BRD4: variants seen among roughly 807,000 people sequenced by gnomAD.
BRD4 encodes bromodomain containing 4.
BRD4 carries 16 observed loss-of-function variants against 142.1 expected under a neutral mutation model. The ratio of observed to expected loss-of-function variants is 0.11; its 90% CI spans 0.08 to 0.17. BRD4 has a LOEUF of 0.17. BRD4 is among the 10% of genes least tolerant of loss of function. The probability of loss-of-function intolerance (pLI) is 1.00; values close to 1 mark genes in which losing one functional copy is unlikely to be tolerated. For missense variants in BRD4, 1,424 were observed against 1,810.9 expected (o/e 0.79, Z 3.88); for synonymous variants, 833 against 707.5 (o/e 1.18, Z -2.82).
chr19:15,264,390 C>A lies in BRD4; in HGVS notation c.1212+14G>T, dbSNP rs768134667. ...TGCCCACCTTGTCCCTTCCCTCAGGCACATCCCGCTAACCTTGATTGTGCT... is the reference window on the plus strand; with the variant it reads ...TGCCCACCTTGTCCCTTCCCTCAGGAACATCCCGCTAACCTTGATTGTGCT... On this transcript the variant is annotated intron_variant, in intron 6 of 19. Coordinates refer to ENST00000679869, the MANE Select transcript of BRD4 (RefSeq NM_001379291.1). The A allele has an allele frequency of 6.3e-7, 1 of 1,580,844 alleles. No individual in the cohort carries two copies. The highest frequency in any genetic ancestry group is 1.7e-5 in the Admixed American group (1 of 58,584).
At chr19:15,296,948 A>G (rs1411963990) in intron 1 of BRD4, among the ~76,000 whole-genome samples, 4 of 152,086 alleles carry the variant, frequency 2.6e-5, no homozygotes, top group African/African-American at 7.2e-5. Context: ...CAGCCACCAC[A>G]TGAAACAAAC....
chr19:15,296,843 G>A (rs2047826918), intron 1 of BRD4, among the ~76,000 whole-genome samples: 1 of 152,176 alleles, frequency 6.6e-6, no homozygotes, highest in Non-Finnish European at 1.5e-5. Context: ...CTAATCTGAA[G>A]AGCAACTGTT....
Position 15,239,926 on chromosome 19 carries a change from A to C in BRD4, c.3266T>G (p.Val1089Gly). Reference protein sequence around the residue: ...LTHQSPPQQNVQPKKQELRAA... With the variant: ...LTHQSPPQQNGQPKKQELRAA... The stretch of plus-strand genomic sequence containing the variant: ...GCCAGTTACCTGTTTCTTAGGCTGG[A>C]CGTTTTGCTGGGGTGGAGACTGGTG... Residue 1089 changes from valine (V) to glycine (G), a missense_variant, in exon 15 of 20, where the codon GTC becomes GGC. Physicochemically the swap from Val to Gly is moderately radical, Grantham distance 109. Around this residue, in one of 16 missense-constraint regions of BRD4, gnomAD observed 598 missense variants for 647.8 expected, o/e 0.92. Transcript: ENST00000679869. This position sits in a 1 kb window ranked among gnomAD's most constrained non-coding sequence, Gnocchi z 7.4. 1 of 1,613,774 alleles carries C rather than the reference A, an allele frequency of 6.2e-7. No homozygotes were observed. Among genetic ancestry groups the C allele is most frequent in the Non-Finnish European group, 8.5e-7 (1 of 1,179,958 alleles).
chr19:15,263,897 C>T (rs1445036642), intron 6 of BRD4, among the ~76,000 whole-genome samples: 1 of 152,214 alleles, frequency 6.6e-6, no homozygotes. Context: ...CAGCACTGTT[C>T]CCTGCTCTGC....
chr19:15,254,534 G>A lies in BRD4; in HGVS notation c.2048-272C>T, dbSNP rs1004123299. 5.3e-5 allele frequency among the ~76,000 whole-genome samples: 8 copies of A among 152,222 alleles called. No homozygotes were observed. In the South Asian group the frequency reaches 6.2e-4, roughly 12 times the overall value. ...GGTTTATCAAGGATTCAAGAGACCAGGCAGAAGGATAATTTCCTAACACAA... is the reference window on the plus strand; with the variant it reads ...GGTTTATCAAGGATTCAAGAGACCAAGCAGAAGGATAATTTCCTAACACAA... On this transcript the variant is annotated intron_variant, in intron 10 of 19. Transcript: ENST00000679869.
rs2047525371 is a variant in BRD4 at position 15,265,590 on chromosome 19, G to T, written c.613C>A (p.Pro205Thr). The T allele has an allele frequency of 1.2e-6, 2 of 1,614,142 alleles. No homozygotes were observed. The highest frequency in any genetic ancestry group is 1.7e-6 in the Non-Finnish European group (2 of 1,180,030). The change falls in exon 5 of 20, where the codon CCT becomes ACT. Residue 205 changes from proline to threonine, a missense_variant. Transcript: ENST00000679869. ...TVPNTTQAST[P>T]PQTQTPQPNP... is the part of the protein sequence containing the mutation. ...GGCTGAGGGGTCTGGGTCTGCGGAG[G>T]AGTCGATGCTTGAGTTGTGTTTGGT...
In BRD4 at chr19:15,251,148, C is replaced by T. The variant is rs1004521618; in HGVS notation, c.2158+3004G>A. Among the ~76,000 whole-genome samples the T allele has an allele frequency of 1.2e-4, 19 of 152,192 alleles. No individual in the cohort carries two copies. The East Asian group carries it at 3.5e-3, about 28-fold the overall frequency. ...TGGGACACAGCTGGGAAAGCAGCACCCACCCCCGCCATCCTCCTCCTGCCT... is the reference window on the plus strand; with the variant it reads ...TGGGACACAGCTGGGAAAGCAGCACTCACCCCCGCCATCCTCCTCCTGCCT... On this transcript the variant is annotated intron_variant, in intron 11 of 19. Coordinates refer to ENST00000679869, the MANE Select transcript of BRD4 (RefSeq NM_001379291.1).
intron 13 of BRD4, 32 bp from the exon 14 acceptor site, chr19:15,243,519 C>A: frequency 6.6e-7 from 1 of 1,518,372 alleles, no homozygotes; most frequent in Non-Finnish European, 8.8e-7. Context: ...GCGGTGAGGC[C>A]TGAGCACCTG....
chr19:15,243,147 C>T lies in BRD4; in HGVS notation c.2922G>A (p.Pro974=), dbSNP rs777234614. The T allele has an allele frequency of 1.5e-3, 753 of 515,112 alleles. No individual in the cohort carries two copies. The highest frequency in any genetic ancestry group is 2.0e-3 in the Non-Finnish European group (682 of 334,158). The allele number at this position is 515,112 out of a possible 1,614,324, so 31.9% of individuals were successfully genotyped here. ...PSVQQQLQQQ[P]PPPPPPQPQP... ...GGGGCTGGGGTGGTGGGGGTGGTGG[C>T]GGCTGCTGCTGCAGCTGCTGCTGCA... is the stretch of plus-strand genomic sequence containing the variant. Residue 974 remains proline, a synonymous_variant, in exon 14 of 20, where the codon CCG becomes CCA. Coordinates refer to ENST00000679869, the MANE Select transcript of BRD4 (RefSeq NM_001379291.1).
rs2145497604 is a variant in BRD4, at chr19:15,238,695, C to T, written c.4020+48G>A. The T allele has an allele frequency of 6.8e-7, 1 of 1,465,006 alleles. No homozygotes were observed. The highest frequency in any genetic ancestry group is 9.0e-7 in the Non-Finnish European group (1 of 1,107,470). The allele number at this position is 1,465,006 out of a possible 1,614,324, so 90.8% of individuals were successfully genotyped here. A position where few individuals can be genotyped will look rare whatever the true frequency, so the allele number is the denominator to read the frequency against. On this transcript the variant is annotated intron_variant, in intron 19 of 19. Transcript: ENST00000679869. The surrounding 1 kb of genome is among the most constrained non-coding windows in gnomAD (Gnocchi z 7.2). ...TCCAGTCCCCCTTTCCCAGCTCCCT[C>T]AGGAGCTAATCCTTAGACCAGGGTC...
chr19:15,240,718 T>C lies in BRD4; in HGVS notation c.3170-696A>G, dbSNP rs556378282. Among the ~76,000 whole-genome samples the C allele has an allele frequency of 3.3e-5, 5 of 152,252 alleles. No homozygotes were observed. The South Asian group carries it at 8.3e-4, about 25-fold the overall frequency. On this transcript the variant is annotated intron_variant, in intron 14 of 19. Transcript: ENST00000679869. ...GCCACAGGGACTACTGGGCCCTCAATCACAGTGAGCCAGCACCTCGGGACT... is the reference window on the plus strand; with the variant it reads ...GCCACAGGGACTACTGGGCCCTCAACCACAGTGAGCCAGCACCTCGGGACT...
At chr19:15,242,441 G>A (rs1185364109) in intron 14 of BRD4, among the ~76,000 whole-genome samples, 4 of 152,194 alleles carry the variant, frequency 2.6e-5, no homozygotes, top group African/African-American at 9.7e-5. Flanking sequence ...TCCTGGGCGG[G>A]CTCTGAGCTG....
At chr19:15,331,216 A>ACATG (rs1243267574) in intron 1 of BRD4, among the ~76,000 whole-genome samples, 2 of 152,332 alleles carry the variant, frequency 1.3e-5, no homozygotes, top group African/African-American at 4.8e-5. Flanking sequence ...CAGGAGAAGC[A>ACATG]CATGACTCAT....
At chr19:15,241,503 C>T (rs2047237449) in intron 14 of BRD4, among the ~76,000 whole-genome samples, 1 of 152,232 alleles carries the variant, frequency 6.6e-6, no homozygotes, top group Non-Finnish European at 1.5e-5. Context: ...AGCAGGATCC[C>T]AATCCACACT....
chr19:15,315,918 G>A (rs2048013571), intron 1 of BRD4, among the ~76,000 whole-genome samples: 1 of 151,738 alleles, frequency 6.6e-6, no homozygotes, highest in South Asian at 2.1e-4. Flanking sequence ...CACTTTGGGA[G>A]GCCGAGGCGG....
In BRD4 at chr19:15,239,942, G is replaced by A. The variant is rs202076913; in HGVS notation, c.3250C>T (p.Pro1084Ser). 1 of 1,614,076 alleles carries A rather than the reference G, an allele frequency of 6.2e-7. No individual in the cohort carries two copies. The highest frequency in any genetic ancestry group is 1.7e-5 in the Admixed American group (1 of 60,012). ...TTAGGCTGGACGTTTTGCTGGGGTG[G>A]AGACTGGTGGGTCAGGCTCTGGAAC... ...SQFQSLTHQSPPQQNVQPKKQ... is the reference protein window; with the variant it reads ...SQFQSLTHQSSPQQNVQPKKQ... Residue 1084 changes from proline to serine, a missense_variant, in exon 15 of 20, where the codon CCA becomes TCA. This residue lies in a region of BRD4 where 598 missense variants were observed against 647.8 expected (regional missense o/e 0.92). Coordinates refer to ENST00000679869, the MANE Select transcript of BRD4 (RefSeq NM_001379291.1). This position sits in a 1 kb window ranked among gnomAD's most constrained non-coding sequence, Gnocchi z 7.4.
chr19:15,257,212 C>T (rs2145576797), intron 7 of BRD4, 39 bp from the exon 8 acceptor site: 1 of 1,553,312 alleles, frequency 6.4e-7, no homozygotes, highest in Non-Finnish European at 8.7e-7. Context: ...CTGCTGGGTA[C>T]CCAGGCCGCG....
chr19:15,277,617 A>G (rs1222169433), intron 1 of BRD4, among the ~76,000 whole-genome samples: 1 of 90,322 alleles, frequency 1.1e-5, no homozygotes, highest in East Asian at 2.5e-4. Flanking sequence ...CCCTATCTCT[A>G]CCAAAAAAAA....
intron 11 of BRD4, among the ~76,000 whole-genome samples, chr19:15,246,128 C>T (rs1042961739): frequency 5.3e-5 from 8 of 152,132 alleles, no homozygotes; most frequent in Admixed American, 4.6e-4. Flanking sequence ...AACCTGGGGC[C>T]CCGCCTAAAA....
Sources: gnomAD v4.1 joint callset for allele counts (sites outside exome capture counted in the v4.1 genomes callset) on GRCh38, gnomAD v4.1.1 for gene constraint, gnomAD v4.1.1 regional missense constraint, Gnocchi (gnomAD v3.1) non-coding constraint, MANE v1.5 for transcripts, NCBI Gene and HGNC (gene_info 2026-07-23, HGNC 2026-07-21) for gene names.